Variants in FABP12 observed in about 807,000 individuals in gnomAD.
FABP12 encodes the protein fatty acid-binding protein 12.
A neutral mutation model predicts 13.7 loss-of-function variants in FABP12; 19 were observed. That is an observed-to-expected ratio of 1.39 (90% CI 0.97 to 2.04). The LOEUF (loss-of-function observed/expected upper bound fraction) is 2.04, where lower values mean the gene tolerates loss of function less well. FABP12 is among the 30% of genes most tolerant of loss of function. The pLI is 0.00. For missense variants in FABP12, 182 were observed against 164.2 expected (o/e 1.11, Z -0.59); for synonymous variants, 61 against 57.0 (o/e 1.07, Z -0.32).
chr8:81,540,502 G>T (rs773513780), intron 1 of FABP12, among the ~76,000 whole-genome samples: 4 of 152,168 alleles, frequency 2.6e-5, no homozygotes, highest in African/African-American at 4.8e-5. Flanking sequence ...TAATCTTCAT[G>T]TAATCTCAGA....
chr8:81,568,725 C>T (rs953576418), intron 1 of FABP12, among the ~76,000 whole-genome samples: 1 of 152,142 alleles, frequency 6.6e-6, no homozygotes. Flanking sequence ...TTGGAAGCAA[C>T]CTAAGTGTCC....
intron 1 of FABP12, among the ~76,000 whole-genome samples, chr8:81,585,509 T>C (rs1003230460): frequency 6.6e-6 from 1 of 152,172 alleles, no homozygotes; most frequent in African/African-American, 2.4e-5. Context: ...TGAAGTCAGG[T>C]AGTGTGATGC....
chr8:81,536,856 G>C (rs1277351291), upstream of FABP12, among the ~76,000 whole-genome samples: 1 of 152,168 alleles, frequency 6.6e-6, no homozygotes, highest in South Asian at 2.1e-4. Context: ...ATTGTCTATG[G>C]TTGCTTTTGT....
chr8:81,563,422 T>C (rs777851826), intron 1 of FABP12, among the ~76,000 whole-genome samples: 4 of 152,196 alleles, frequency 2.6e-5, no homozygotes, highest in Non-Finnish European at 5.9e-5. Flanking sequence ...CAGGAAAATA[T>C]GACCTCACCA....
At chr8:81,558,780 C>T (rs1809665997) in intron 1 of FABP12, among the ~76,000 whole-genome samples, 1 of 150,282 alleles carries the variant, frequency 6.7e-6, no homozygotes, top group Non-Finnish European at 1.5e-5. Flanking sequence ...ATCCCAGCTA[C>T]TTAGGAGGCT....
chr8:81,561,020 A>G (rs1197932630), intron 1 of FABP12, among the ~76,000 whole-genome samples: 1 of 151,788 alleles, frequency 6.6e-6, no homozygotes, highest in Admixed American at 6.6e-5. Flanking sequence ...TTCTCATCCC[A>G]CTCTATGTTT....
intron 1 of FABP12, among the ~76,000 whole-genome samples, chr8:81,578,823 G>GTTTATT (rs71268012): frequency 4.7e-5 from 5 of 105,658 alleles, no homozygotes; most frequent in South Asian, 3.0e-4. Flanking sequence ...ATTTGTTCAA[G>GTTTATT]TTTTTTTTTT....
chr8:81,569,067 A>C (rs1367511540), intron 1 of FABP12, among the ~76,000 whole-genome samples: 3 of 152,206 alleles, frequency 2.0e-5, no homozygotes, highest in Non-Finnish European at 2.9e-5. Flanking sequence ...TACAGTGAAC[A>C]ATCATTTATT....
At chr8:81,536,773 C>A (rs1369632149), upstream of FABP12, among the ~76,000 whole-genome samples, 3 of 152,142 alleles carry the variant, frequency 2.0e-5, no homozygotes, top group Non-Finnish European at 4.4e-5. Flanking sequence ...CAAACTATGA[C>A]CCATATACTA....
intron 1 of FABP12, among the ~76,000 whole-genome samples, chr8:81,547,186 C>T (rs1301666428): frequency 2.0e-5 from 3 of 152,202 alleles, no homozygotes; most frequent in Admixed American, 2.0e-4. Flanking sequence ...TTTAATTCAA[C>T]ATTTTGTATT....
intron 1 of FABP12, among the ~76,000 whole-genome samples, chr8:81,588,931 C>T (rs150947289): frequency 1.3e-5 from 2 of 152,124 alleles, no homozygotes; most frequent in African/African-American, 4.8e-5. Flanking sequence ...ATCACGGGAG[C>T]TTTAAAGGCT....
At chr8:81,580,495 A>G (rs1299406095) in intron 1 of FABP12, among the ~76,000 whole-genome samples, 1 of 152,084 alleles carries the variant, frequency 6.6e-6, no homozygotes, top group Non-Finnish European at 1.5e-5. Context: ...CCAAGTAACT[A>G]CCTTATCATT....
chr8:81,566,767 G>C (rs753445356), intron 1 of FABP12, among the ~76,000 whole-genome samples: 21 of 152,028 alleles, frequency 1.4e-4, no homozygotes, highest in African/African-American at 3.6e-4. Context: ...GATACCCACT[G>C]TCCCCAATAT....
rs542438854 is a variant in FABP12, at chr8:81,560,630, A to C, written c.-184-20887T>G. Among the ~76,000 whole-genome samples the C allele has an allele frequency of 6.0e-4, 91 of 152,310 alleles. No individual in the cohort carries two copies. The South Asian group carries it at 7.9e-3, about 13-fold the overall frequency. On this transcript the variant is annotated intron_variant, in intron 1 of 5. Transcript: ENST00000692030. ...ACATGCAATTTACTGCAGATTTTTA[A>C]AAATCTCATCTTTTATTTCTTCCAA...
intron 1 of FABP12, among the ~76,000 whole-genome samples, chr8:81,576,073 A>C (rs943555898): frequency 3.9e-5 from 6 of 152,270 alleles, no homozygotes; most frequent in Non-Finnish European, 8.8e-5. Flanking sequence ...AATTAAAATG[A>C]TAATTTTCAA....
At chr8:81,551,873 T>C (rs1304083929) in intron 1 of FABP12, among the ~76,000 whole-genome samples, 2 of 151,728 alleles carry the variant, frequency 1.3e-5, no homozygotes, top group Non-Finnish European at 2.9e-5. Flanking sequence ...AGTGTTCATC[T>C]CATTCATTCA....
In FABP12 at chr8:81,584,179, C is replaced by T. The variant is rs570114020; in HGVS notation, c.-185+5874G>A. Among the ~76,000 whole-genome samples, 3 of 152,234 alleles carry T rather than the reference C, an allele frequency of 2.0e-5. No homozygotes were observed. The South Asian group carries it at 6.2e-4, about 32-fold the overall frequency. ...CCAGCAAGTTGGGTGAGTAAAGAAGCCTAGAATTCTTCCCCCAACAAGAAA... is the reference window on the plus strand; with the variant it reads ...CCAGCAAGTTGGGTGAGTAAAGAAGTCTAGAATTCTTCCCCCAACAAGAAA... On this transcript the variant is annotated intron_variant, in intron 1 of 5. Coordinates refer to the FABP12 transcript ENST00000692030.
In FABP12 at chr8:81,545,734, T is replaced by C. The variant is rs1231715998; in HGVS notation, c.-184-5991A>G. On this transcript the variant is annotated intron_variant, in intron 1 of 5. Transcript: ENST00000692030. ...AAACTGGTTTTCTATTTTACAAGAT[T>C]CCAAATAGTGTTTTAAAAGTTTTTT... Among the ~76,000 whole-genome samples the C allele has an allele frequency of 3.9e-5, 6 of 152,228 alleles. No individual in the cohort carries two copies. The East Asian group carries it at 1.2e-3, about 29-fold the overall frequency.
rs528662529 is a variant in FABP12, at chr8:81,531,558, G to C, written c.-75-168C>G. ...TGGAAACACAGTAGAGTGTTTAGCA[G>C]AACTAGATATACCTTTTCCAACACC... On this transcript the variant is annotated intron_variant, in intron 1 of 4. Transcript: ENST00000360464. Among the ~76,000 whole-genome samples, 4 of 152,272 alleles carry C rather than the reference G, an allele frequency of 2.6e-5. No individual in the cohort carries two copies. In the East Asian group the frequency reaches 7.7e-4, roughly 29 times the overall value.
Sources: allele counts gnomAD v4.1 joint callset (sites outside exome capture counted in the v4.1 genomes callset), GRCh38; gene constraint gnomAD v4.1.1; transcripts MANE v1.5; gene names NCBI Gene and HGNC (gene_info 2026-07-23, HGNC 2026-07-21).